Variants in PCDHGA1 observed in about 807,000 individuals in gnomAD.
PCDHGA1 encodes protocadherin gamma-A1.
PCDHGA1 carries 32 observed loss-of-function variants against 58.0 expected under a neutral mutation model. That is an observed-to-expected ratio of 0.55 (90% CI 0.42 to 0.74). The LOEUF (loss-of-function observed/expected upper bound fraction) is 0.74, where lower values mean the gene tolerates loss of function less well. PCDHGA1 is among the 30% of genes least tolerant of loss of function. PCDHGA1 has a pLI of 0.00. For synonymous variants in PCDHGA1, 498 were observed against 501.1 expected, an observed-to-expected ratio of 0.99 and a Z score of 0.08; for missense variants, 1,205 against 1,182.3, an observed-to-expected ratio of 1.02 and a Z score of -0.28.
intron 1 of PCDHGA1, chr5:141,389,681 C>T (rs1172050771): frequency 1.2e-6 from 2 of 1,612,438 alleles, no homozygotes; most frequent in South Asian, 1.1e-5. Context: ...CAGGACACAA[C>T]GCCTGGCTGT....
chr5:141,413,541 G>A, intron 1 of PCDHGA1: 1 of 1,613,904 alleles, frequency 6.2e-7, no homozygotes, highest in Non-Finnish European at 8.5e-7. Flanking sequence ...AACTTTTTGG[G>A]ATAGAAATAG....
At chr5:141,376,280 G>A (rs1366103411) in intron 1 of PCDHGA1, 4 of 1,614,226 alleles carry the variant, frequency 2.5e-6, no homozygotes, top group Admixed American at 1.7e-5. Context: ...AGGTGGCTTA[G>A]CGAGCATGCC....
chr5:141,489,830 A>G lies in PCDHGA1; in HGVS notation c.2422-4977A>G, dbSNP rs760376311. On this transcript the variant is annotated intron_variant, in intron 1 of 3. Coordinates refer to ENST00000517417, the MANE Select transcript of PCDHGA1 (RefSeq NM_018912.3). The surrounding 1 kb of genome is among the most constrained non-coding windows in gnomAD (Gnocchi z 4.5). ...AAGCCATTCCCAGAGCTGGTGCTAG[A>G]GCAGCAGCTGGATCGTGAAGCCCAG... 1.9e-6 allele frequency: 3 copies of G among 1,614,200 alleles called. No individual in the cohort carries two copies. Among genetic ancestry groups the G allele is most frequent in the East Asian group, 2.2e-5 (1 of 44,878 alleles).
chr5:141,428,065 C>T lies in PCDHGA1; in HGVS notation c.2422-66742C>T, dbSNP rs1028782772. 6 of 1,609,086 alleles carry T rather than the reference C, an allele frequency of 3.7e-6. No individual in the cohort carries two copies. The African/African-American group carries it at 6.7e-5, about 18-fold the overall frequency. ...GTGACCAAGGTGGTGGCGGTGGACGCAGATTCGGGACACAACGCTTGGCTG... is the reference window on the plus strand; with the variant it reads ...GTGACCAAGGTGGTGGCGGTGGACGTAGATTCGGGACACAACGCTTGGCTG... On this transcript the variant is annotated intron_variant, in intron 1 of 3. Coordinates refer to ENST00000517417, the MANE Select transcript of PCDHGA1 (RefSeq NM_018912.3).
At chr5:141,342,790 C>A (rs529330279) in intron 1 of PCDHGA1, 2 of 152,298 alleles carry the variant, frequency 1.3e-5, no homozygotes, top group South Asian at 2.1e-4. Flanking sequence ...ATTTATATTT[C>A]TGTGCTTGGA....
At chr5:141,350,931 A>G (rs1243075906) in intron 1 of PCDHGA1, 3 of 1,614,088 alleles carry the variant, frequency 1.9e-6, no homozygotes, top group South Asian at 1.1e-5. Flanking sequence ...GGCACCACCC[A>G]TATCTGGATC....
At chr5:141,371,560 AC>A in intron 1 of PCDHGA1, 1 of 1,613,892 alleles carries the variant, frequency 6.2e-7, no homozygotes, top group Non-Finnish European at 8.5e-7. Flanking sequence ...CTAAAAGGAA[AC>A]TTCCCCTTTA....
chr5:141,482,530 C>CAAAAAAAAAAAAAAAAA (rs3074545), intron 1 of PCDHGA1, among the ~76,000 whole-genome samples: 1 of 76,562 alleles, frequency 1.3e-5, no homozygotes, highest in African/African-American at 4.8e-5. Flanking sequence ...GACAGACATG[C>CAAAAAAAAAAAAAAAAA]AAAAAAAAAA....
At chr5:141,440,399 A>T (rs1215824479) in intron 1 of PCDHGA1, 1 of 152,164 alleles carries the variant, frequency 6.6e-6, no homozygotes, top group Non-Finnish European at 1.5e-5. Context: ...CCGAGAGGCA[A>T]TCGCACCACT....
chr5:141,385,979 A>T (rs1561609878), intron 1 of PCDHGA1: 1 of 152,222 alleles, frequency 6.6e-6, no homozygotes, highest in South Asian at 2.1e-4. Flanking sequence ...AAAACCAATA[A>T]AATATGTCAA....
chr5:141,457,959 T>C (rs1426112930), intron 1 of PCDHGA1, among the ~76,000 whole-genome samples: 3 of 152,208 alleles, frequency 2.0e-5, no homozygotes, highest in Admixed American at 2.0e-4. Flanking sequence ...CAAGCTTGAT[T>C]CCTTAAAGGG....
Position 141,331,492 on chromosome 5 carries a change from G to C in PCDHGA1, c.808G>C (p.Asp270His), listed in dbSNP as rs149650270. 6.2e-7 allele frequency: 1 copy of C among 1,614,166 alleles called. No homozygotes were observed. Among genetic ancestry groups the C allele is most frequent in the East Asian group, 2.2e-5 (1 of 44,882 alleles). The change falls in exon 1 of 4, where the codon GAT becomes CAT. Residue 270 changes from aspartate to histidine, a missense_variant. Asp to His is a moderately conservative substitution (Grantham distance 81, BLOSUM62 -1). Transcript: ENST00000517417. ...QLLMVNATDP[D>H]EGANGEVTYS... ...GCTCATGGTAAATGCCACTGACCCT[G>C]ATGAGGGAGCCAATGGGGAAGTAAC... is the stretch of plus-strand genomic sequence containing the variant.
intron 1 of PCDHGA1, among the ~76,000 whole-genome samples, chr5:141,443,477 C>T (rs1279226136): frequency 6.6e-6 from 1 of 152,116 alleles, no homozygotes; most frequent in Non-Finnish European, 1.5e-5. Flanking sequence ...CAGAATTAGA[C>T]CCTGTCCCAA....
In PCDHGA1 at chr5:141,494,832, G is replaced by A. The variant is rs758427900; in HGVS notation, c.2447G>A (p.Arg816His). The A allele has an allele frequency of 1.2e-6, 2 of 1,614,066 alleles. No homozygotes were observed. Among genetic ancestry groups the A allele is most frequent in the Non-Finnish European group, 1.7e-6 (2 of 1,179,994 alleles). The change falls in exon 2 of 4, where the codon CGT (arginine) becomes CAT (histidine). Residue 816 changes from arginine (R) to histidine (H), a missense_variant. Transcript: ENST00000517417. ...CAAGCCCCGCCCAACACGGACTGGC[G>A]TTTCTCTCAGGCCCAGAGACCCGGC... ...SQQAPPNTDW[R>H]FSQAQRPGTS...
chr5:141,465,502 G>A (rs948827391), intron 1 of PCDHGA1, among the ~76,000 whole-genome samples: 6 of 152,268 alleles, frequency 3.9e-5, no homozygotes, highest in Admixed American at 2.0e-4. Context: ...GAGCATTGTC[G>A]TGGTCAGGAA....
intron 1 of PCDHGA1, chr5:141,350,420 C>T: frequency 6.2e-7 from 1 of 1,606,742 alleles, no homozygotes; most frequent in Non-Finnish European, 8.5e-7. Flanking sequence ...GGATCTGGGG[C>T]TCAGTGTCCG....
At chr5:141,338,637 T>C in intron 1 of PCDHGA1, 1 of 211,136 alleles carries the variant, frequency 4.7e-6, no homozygotes, top group Non-Finnish European at 9.2e-6. Flanking sequence ...TAAAGCGCCT[T>C]GAAAGTCAAC....
chr5:141,414,473 G>C lies in PCDHGA1; in HGVS notation c.2422-80334G>C, dbSNP rs371832510. 50 of 1,613,790 alleles carry C rather than the reference G, an allele frequency of 3.1e-5. No individual in the cohort carries two copies. The highest frequency in any genetic ancestry group is 4.1e-5 in the Non-Finnish European group (48 of 1,179,892). Reference sequence around the variant, plus strand: ...ACAGTGACAGCCACAGATGGGGGAAGTCCTCCTCTATCAACGGAAGCTCAC... The same window carrying C: ...ACAGTGACAGCCACAGATGGGGGAACTCCTCCTCTATCAACGGAAGCTCAC... On this transcript the variant is annotated intron_variant, in intron 1 of 3. Transcript: ENST00000517417.
chr5:141,399,469 T>G, intron 1 of PCDHGA1: 1 of 1,614,000 alleles, frequency 6.2e-7, no homozygotes. Flanking sequence ...CGCTCCGGTT[T>G]TCCACCAGGC....
Sources: allele counts gnomAD v4.1 joint callset (sites outside exome capture counted in the v4.1 genomes callset), GRCh38; gene constraint gnomAD v4.1.1; non-coding constraint Gnocchi (gnomAD v3.1); transcripts MANE v1.5; gene names NCBI Gene and HGNC (gene_info 2026-07-23, HGNC 2026-07-21).